SRSF11: variants seen among roughly 807,000 people sequenced by gnomAD.
SRSF11 encodes the protein serine/arginine-rich splicing factor 11.
A neutral mutation model predicts 56.0 loss-of-function variants in SRSF11; 9 were observed. That is an observed-to-expected ratio of 0.16 (90% CI 0.10 to 0.28). The LOEUF (loss-of-function observed/expected upper bound fraction) is 0.28. Ranked by LOEUF, SRSF11 falls within the 10% of genes least tolerant of loss-of-function variation. The pLI is 1.00. For missense variants in SRSF11, 421 were observed against 600.7 expected, an observed-to-expected ratio of 0.70 and a Z score of 3.13; for synonymous variants, 222 against 215.3, an observed-to-expected ratio of 1.03 and a Z score of -0.27.
chr1:70,230,466 A>G (rs1458709859), intron 2 of SRSF11: 2 of 1,217,804 alleles, frequency 1.6e-6, no homozygotes, highest in Non-Finnish European at 2.1e-6. Flanking sequence ...AACTCTTAAT[A>G]GTAATGGATT....
intron 1 of SRSF11, among the ~76,000 whole-genome samples, chr1:70,223,520 T>G (rs1400776638): frequency 1.3e-5 from 2 of 152,208 alleles, no homozygotes; most frequent in Non-Finnish European, 2.9e-5. Context: ...CTCAACTATA[T>G]GATCTGGGAT....
Position 70,250,352 on chromosome 1 carries a change from A to G in SRSF11, c.1119-13A>G. 1.2e-6 allele frequency: 2 copies of G among 1,609,110 alleles called. No individual in the cohort carries two copies. Among genetic ancestry groups the G allele is most frequent in the East Asian group, 2.2e-5 (1 of 44,784 alleles). On this transcript the variant is annotated splice_polypyrimidine_tract_variant and intron_variant, in intron 10 of 11. Transcript: ENST00000370949. ...AGTTAAACCTGTTGCTGTACATTTT[A>G]CTGTCATTCTAGACATAAAAAGGAG...
At chr1:70,237,030 A>G (rs1272320140) in intron 5 of SRSF11, among the ~76,000 whole-genome samples, 3 of 151,852 alleles carry the variant, frequency 2.0e-5, no homozygotes, top group African/African-American at 7.3e-5. Flanking sequence ...CTCGTGATCC[A>G]CCTGCCTTGG....
At chr1:70,221,357 C>G (rs1295272550), upstream of SRSF11, 2 of 459,058 alleles carry the variant, frequency 4.4e-6, no homozygotes, top group Non-Finnish European at 7.7e-6. Context: ...CGCCGCAAAG[C>G]ATTGTGGGAG....
At chr1:70,243,890 A>G (rs1676125921) in intron 7 of SRSF11, among the ~76,000 whole-genome samples, 1 of 152,152 alleles carries the variant, frequency 6.6e-6, no homozygotes, top group African/African-American at 2.4e-5. Context: ...CGCTTAAAAG[A>G]TAGAGGAGAA....
intron 5 of SRSF11, among the ~76,000 whole-genome samples, chr1:70,236,621 T>TG (rs1418020566): frequency 6.6e-6 from 1 of 150,884 alleles, no homozygotes; most frequent in Non-Finnish European, 1.5e-5. Context: ...TGAGCCACCA[T>TG]GCCCGGCCTA....
chr1:70,221,376 C>T (rs1051284889), upstream of SRSF11: 4 of 495,824 alleles, frequency 8.1e-6, no homozygotes, highest in South Asian at 3.0e-5. Context: ...AGCTCGGGCC[C>T]GCTAGTGTCG....
chr1:70,250,584 CT>C, intron 11 of SRSF11, 23 bp from the exon 12 acceptor site: 1 of 1,608,392 alleles, frequency 6.2e-7, no homozygotes, highest in Non-Finnish European at 8.5e-7. Context: ...GAGAAGTTTA[CT>C]TTTATTATTC....
intron 6 of SRSF11, 145 bp downstream of exon 6, chr1:70,237,697 C>A: frequency 8.6e-7 from 1 of 1,161,424 alleles, no homozygotes; most frequent in Non-Finnish European, 1.2e-6. Flanking sequence ...GCCACTCAGA[C>A]GTATTTGGAG....
At chr1:70,214,938 G>C (rs551450178) in intron 1 of SRSF11, among the ~76,000 whole-genome samples, 10 of 130,572 alleles carry the variant, frequency 7.7e-5, no homozygotes, top group African/African-American at 2.9e-4. Context: ...TTGCCCTGTC[G>C]CCTAGGCTGG....
chr1:70,246,382 A>C (rs1429031778), intron 8 of SRSF11, among the ~76,000 whole-genome samples: 1 of 152,166 alleles, frequency 6.6e-6, no homozygotes, highest in East Asian at 1.9e-4. Flanking sequence ...AGAGGTTGAC[A>C]TGGGATGTGT....
chr1:70,245,104 A>AT (rs1676447593), intron 8 of SRSF11, among the ~76,000 whole-genome samples: 1 of 152,202 alleles, frequency 6.6e-6, no homozygotes, highest in Non-Finnish European at 1.5e-5. Flanking sequence ...TTTTATTTCC[A>AT]TCTAAAAATA....
At chr1:70,249,433 A>G (rs575294391) in intron 9 of SRSF11, 1 of 152,422 alleles carries the variant, frequency 6.6e-6, no homozygotes, top group African/African-American at 2.4e-5. Flanking sequence ...TTTGTCATCA[A>G]TTAAAAGAAT....
chr1:70,209,877 G>T (rs897936632), intron 1 of SRSF11, among the ~76,000 whole-genome samples: 5 of 147,562 alleles, frequency 3.4e-5, no homozygotes, highest in Non-Finnish European at 7.4e-5. Flanking sequence ...GGAATTACAG[G>T]CATGAGCCAC....
upstream of SRSF11, among the ~76,000 whole-genome samples, chr1:70,219,193 C>G (rs1197698944): frequency 6.6e-6 from 1 of 152,112 alleles, no homozygotes; most frequent in Non-Finnish European, 1.5e-5. Context: ...CACTTATGGT[C>G]CCAAGCATTT....
intron 1 of SRSF11, among the ~76,000 whole-genome samples, chr1:70,208,709 GAAAAT>G (rs1669282482): frequency 6.6e-6 from 1 of 152,148 alleles, no homozygotes; most frequent in Non-Finnish European, 1.5e-5. Context: ...ATGCAATAGA[GAAAAT>G]AACATGTTTT....
intron 8 of SRSF11, among the ~76,000 whole-genome samples, chr1:70,246,039 G>GA (rs1007016449): frequency 5.9e-5 from 9 of 152,010 alleles, no homozygotes; most frequent in East Asian, 1.9e-4. Flanking sequence ...CCAGAGAAGG[G>GA]AAAAAAATGA....
chr1:70,241,927 G>C (rs970900173), intron 7 of SRSF11, among the ~76,000 whole-genome samples: 1 of 152,012 alleles, frequency 6.6e-6, no homozygotes, highest in African/African-American at 2.4e-5. Context: ...CCCAGCACTT[G>C]GGGAGGCCGA....
chr1:70,232,182 G>A (rs1262596577), intron 2 of SRSF11, 86 bp from the exon 3 acceptor site: 10 of 1,602,868 alleles, frequency 6.2e-6, no homozygotes, highest in South Asian at 3.3e-5. Context: ...CTCAGGTGGT[G>A]TATCAGGGAG....
Sources: gnomAD v4.1 joint callset for allele counts (sites outside exome capture counted in the v4.1 genomes callset) on GRCh38, gnomAD v4.1.1 for gene constraint, MANE v1.5 for transcripts, NCBI Gene and HGNC (gene_info 2026-07-23, HGNC 2026-07-21) for gene names.